The following FUT9 variants were observed in gnomAD, a reference collection of about 807,000 sequenced individuals.
The protein encoded by FUT9 is 4-galactosyl-N-acetylglucosaminide 3-alpha-L-fucosyltransferase 9.
A neutral mutation model predicts 29.7 loss-of-function variants in FUT9; 15 were observed. That is an observed-to-expected ratio of 0.51 (90% CI 0.34 to 0.78). The LOEUF (loss-of-function observed/expected upper bound fraction) is 0.78, where lower values mean the gene tolerates loss of function less well. Ranked by LOEUF, FUT9 falls within the 30% of genes least tolerant of loss-of-function variation. FUT9 has a pLI of 0.01. For synonymous variants in FUT9, 169 were observed against 153.7 expected (o/e 1.10, Z -0.74); for missense variants, 319 against 425.4 (o/e 0.75, Z 2.20).
Position 96,203,593 on chromosome 6 carries a change from T to C in FUT9, c.438T>C (p.Ser146=), listed in dbSNP as rs1471138348. 23 of 1,613,578 alleles carry C rather than the reference T, an allele frequency of 1.4e-5. No homozygotes were observed. Among genetic ancestry groups the C allele is most frequent in the Non-Finnish European group, 1.9e-5 (22 of 1,179,950 alleles). ...LESPTHTPQK[S]GIEHLFNLTL... ...CACCAACTCACACTCCCCAAAAGAGTGGCATTGAGCACTTGTTTAACCTGA... is the reference window on the plus strand; with the variant it reads ...CACCAACTCACACTCCCCAAAAGAGCGGCATTGAGCACTTGTTTAACCTGA... Residue 146 remains serine (S), a synonymous_variant, in exon 3 of 3, where the codon AGT becomes AGC. Transcript: ENST00000302103.
intron 2 of FUT9, among the ~76,000 whole-genome samples, chr6:96,124,287 A>G (rs994309640): frequency 7.9e-5 from 12 of 151,030 alleles, no homozygotes; most frequent in African/African-American, 2.2e-4. Flanking sequence ...GAGTAGCTGG[A>G]ACTAAAGGCG....
intron 2 of FUT9, among the ~76,000 whole-genome samples, chr6:96,178,170 G>C (rs939067443): frequency 1.3e-5 from 2 of 152,094 alleles, no homozygotes; most frequent in Non-Finnish European, 2.9e-5. Flanking sequence ...TGTGTACCAG[G>C]ATGGCCAAGA....
chr6:96,113,696 CA>C (rs879276064), intron 1 of FUT9, among the ~76,000 whole-genome samples: 1 of 150,658 alleles, frequency 6.6e-6, no homozygotes, highest in African/African-American at 2.4e-5. Context: ...ACTAAAAATA[CA>C]AAAAAAATTA....
intron 2 of FUT9, among the ~76,000 whole-genome samples, chr6:96,173,878 G>T (rs1209813052): frequency 6.6e-6 from 1 of 151,816 alleles, no homozygotes; most frequent in Non-Finnish European, 1.5e-5. Flanking sequence ...CAGCCATATT[G>T]TTGTCATTAA....
At chr6:96,124,297 G>T (rs9386321) in intron 2 of FUT9, among the ~76,000 whole-genome samples, 3,828 of 151,300 alleles carry the variant, frequency 0.025, 72 homozygotes, top group East Asian at 0.078. Context: ...AACTAAAGGC[G>T]CCTGCCACCA....
At chr6:96,158,036 G>T (rs1189224077) in intron 2 of FUT9, among the ~76,000 whole-genome samples, 1 of 152,070 alleles carries the variant, frequency 6.6e-6, no homozygotes, top group East Asian at 1.9e-4. Flanking sequence ...TATTAGAAAA[G>T]ATAATTAGAT....
intron 2 of FUT9, among the ~76,000 whole-genome samples, chr6:96,151,724 G>A (rs567182027): frequency 1.3e-5 from 2 of 152,154 alleles, no homozygotes; most frequent in South Asian, 4.1e-4. Flanking sequence ...TGAGCTCTGA[G>A]TTTCAGCTAC....
At position 96,205,503 on chromosome 6, in the gene FUT9, C is replaced by T. The variant is rs1378014733; in HGVS notation, c.*1268C>T. On this transcript the variant is annotated 3_prime_UTR_variant, in exon 3 of 3. Coordinates refer to ENST00000302103, the MANE Select transcript of FUT9 (RefSeq NM_006581.4). The stretch of plus-strand genomic sequence containing the variant: ...ACATAGCACATATGACCATGATGTT[C>T]AGGGCTTTATAGAACCAAATAAACC... 2.4e-5 allele frequency: 4 copies of T among 166,924 alleles called. No individual in the cohort carries two copies. Among genetic ancestry groups the T allele is most frequent in the Non-Finnish European group, 5.9e-5 (4 of 68,078 alleles). The allele number at this position is 166,924 out of a possible 1,614,324, so 10.3% of individuals were successfully genotyped here. A position where few individuals can be genotyped will look rare whatever the true frequency, so the allele number is the denominator to read the frequency against.
chr6:96,035,678 AATATT>A (rs1467656270), intron 1 of FUT9, among the ~76,000 whole-genome samples: 3 of 136,678 alleles, frequency 2.2e-5, no homozygotes, highest in Admixed American at 1.5e-4. Flanking sequence ...ATTAAAATAT[AATATT>A]ATATTTATTA....
intron 2 of FUT9, among the ~76,000 whole-genome samples, chr6:96,114,723 A>G (rs1173194613): frequency 6.6e-6 from 1 of 152,148 alleles, no homozygotes; most frequent in African/African-American, 2.4e-5. Flanking sequence ...ACATGATTAA[A>G]AAATAAGGAA....
At chr6:96,104,425 A>C (rs894204903) in intron 1 of FUT9, among the ~76,000 whole-genome samples, 5 of 152,204 alleles carry the variant, frequency 3.3e-5, no homozygotes, top group African/African-American at 1.2e-4. Flanking sequence ...AGATCTGCAT[A>C]TTTGCCATAC....
intron 1 of FUT9, among the ~76,000 whole-genome samples, chr6:96,092,038 C>G (rs919351703): frequency 1.3e-5 from 2 of 152,000 alleles, no homozygotes; most frequent in African/African-American, 4.8e-5. Flanking sequence ...TGTCAAATTA[C>G]AACCAATAGT....
intron 1 of FUT9, among the ~76,000 whole-genome samples, chr6:96,100,480 A>G (rs1430689157): frequency 6.6e-6 from 1 of 152,210 alleles, no homozygotes; most frequent in Non-Finnish European, 1.5e-5. Flanking sequence ...GAAACTTTAT[A>G]AAGTGAGAAA....
intron 2 of FUT9, among the ~76,000 whole-genome samples, chr6:96,130,192 G>T (rs1263289079): frequency 6.6e-6 from 1 of 151,938 alleles, no homozygotes; most frequent in African/African-American, 2.4e-5. Flanking sequence ...CTTAGACAAG[G>T]CAGTATGAGA....
intron 1 of FUT9, among the ~76,000 whole-genome samples, chr6:96,087,352 T>C (rs1008117914): frequency 2.8e-5 from 4 of 145,196 alleles, no homozygotes; most frequent in African/African-American, 1.0e-4. Flanking sequence ...GGTTTATATT[T>C]TCCCCACAAA....
At chr6:96,130,569 C>T (rs1048506186) in intron 2 of FUT9, among the ~76,000 whole-genome samples, 3 of 152,052 alleles carry the variant, frequency 2.0e-5, no homozygotes, top group Admixed American at 2.0e-4. Context: ...AATTCATGAG[C>T]CTGAGTGAAA....
intron 1 of FUT9, among the ~76,000 whole-genome samples, chr6:96,077,277 TA>T (rs1771154895): frequency 6.6e-6 from 1 of 152,162 alleles, no homozygotes. Flanking sequence ...AAACTAAGAA[TA>T]TTAGAAACTT....
chr6:96,065,845 T>C (rs9390811), intron 1 of FUT9, among the ~76,000 whole-genome samples: 3,429 of 152,270 alleles, frequency 0.023, 64 homozygotes, highest in East Asian at 0.076. Flanking sequence ...ATCTGCAAGA[T>C]AACAGAAAGG....
At chr6:96,076,370 C>G (rs550395962) in intron 1 of FUT9, among the ~76,000 whole-genome samples, 2 of 152,126 alleles carry the variant, frequency 1.3e-5, no homozygotes, top group Non-Finnish European at 2.9e-5. Flanking sequence ...TGGGAATTAC[C>G]TGAGGGCTTT....
Sources: allele counts gnomAD v4.1 joint callset (sites outside exome capture counted in the v4.1 genomes callset), GRCh38; gene constraint gnomAD v4.1.1; transcripts MANE v1.5; gene names NCBI Gene and HGNC (gene_info 2026-07-23, HGNC 2026-07-21).